Variants in HECW1 observed in about 807,000 individuals in gnomAD.
HECW1 encodes the protein E3 ubiquitin-protein ligase HECW1.
HECW1 carries 61 observed loss-of-function variants against 182.3 expected under a neutral mutation model. That is an observed-to-expected ratio of 0.33 (90% CI 0.27 to 0.41). The LOEUF is 0.41. Ranked by LOEUF, HECW1 falls within the 10% of genes least tolerant of loss-of-function variation. The pLI is 1.00. For synonymous variants in HECW1, 859 were observed against 832.6 expected (o/e 1.03, Z -0.55); for missense variants, 1,739 against 2,108.9 (o/e 0.82, Z 3.44).
chr7:43,333,185 G>A (rs1271870422), intron 5 of HECW1, among the ~76,000 whole-genome samples: 1 of 152,204 alleles, frequency 6.6e-6, no homozygotes, highest in Non-Finnish European at 1.5e-5. Context: ...AGGAAATGTG[G>A]GGGGCATCAG....
chr7:43,509,160 T>G (rs777952245), intron 24 of HECW1, 39 bp downstream of exon 24: 1 of 1,596,104 alleles, frequency 6.3e-7, no homozygotes, highest in East Asian at 2.2e-5. Context: ...ATTTGAAAGT[T>G]CTCCTCTTTC....
intron 2 of HECW1, among the ~76,000 whole-genome samples, chr7:43,237,304 G>A (rs1283511749): frequency 6.6e-6 from 1 of 152,172 alleles, no homozygotes; most frequent in Non-Finnish European, 1.5e-5. Flanking sequence ...TAAATCACTG[G>A]AGAAGACCTG....
intron 3 of HECW1, among the ~76,000 whole-genome samples, chr7:43,287,992 G>A (rs563529350): frequency 6.6e-6 from 1 of 152,272 alleles, no homozygotes; most frequent in East Asian, 1.9e-4. Flanking sequence ...TTGGAGGTGG[G>A]CTTGAGATGC....
intron 2 of HECW1, among the ~76,000 whole-genome samples, chr7:43,158,409 T>C (rs1402934827): frequency 6.6e-6 from 1 of 150,768 alleles, no homozygotes; most frequent in Non-Finnish European, 1.5e-5. Context: ...AAGGATCAAG[T>C]AATAAGAACT....
chr7:43,164,242 G>T (rs1409675244), intron 2 of HECW1, among the ~76,000 whole-genome samples: 2 of 152,216 alleles, frequency 1.3e-5, no homozygotes, highest in African/African-American at 4.8e-5. Context: ...AAGGCAGGAG[G>T]AGGAAGGGCT....
chr7:43,404,697 G>A (rs185249109), intron 7 of HECW1, among the ~76,000 whole-genome samples: 34 of 152,220 alleles, frequency 2.2e-4, no homozygotes, highest in African/African-American at 6.7e-4. Flanking sequence ...CACAGACTTT[G>A]GGCCGGGCAC....
intron 5 of HECW1, among the ~76,000 whole-genome samples, chr7:43,324,874 TC>T (rs2152784692): frequency 6.6e-6 from 1 of 152,328 alleles, no homozygotes; most frequent in South Asian, 2.1e-4. Flanking sequence ...TTTTGTTATT[TC>T]TTTTTATGAG....
chr7:43,362,758 G>A (rs1440049878), intron 6 of HECW1, among the ~76,000 whole-genome samples: 1 of 152,242 alleles, frequency 6.6e-6, no homozygotes, highest in African/African-American at 2.4e-5. Flanking sequence ...AGGCAGAGAA[G>A]GAAGGAGGCA....
chr7:43,444,216 A>C lies in HECW1; in HGVS notation c.1046-2A>C. On this transcript the variant is annotated splice_acceptor_variant, in intron 10 of 29. Transcript: ENST00000395891. LOFTEE classifies it high-confidence loss of function. The surrounding 1 kb of genome is among the most constrained non-coding windows in gnomAD (Gnocchi z 4.3). ...ATGACATATTTTTCTTCTTACCAGCAGATGATGAGGAGATTTCCCTGAGTA... is the reference window on the plus strand; with the variant it reads ...ATGACATATTTTTCTTCTTACCAGCCGATGATGAGGAGATTTCCCTGAGTA... The C allele has an allele frequency of 6.3e-7, 1 of 1,596,850 alleles. No individual in the cohort carries two copies. Among genetic ancestry groups the C allele is most frequent in the Non-Finnish European group, 8.6e-7 (1 of 1,168,588 alleles).
chr7:43,230,071 G>A (rs1797753718), intron 2 of HECW1, among the ~76,000 whole-genome samples: 1 of 152,156 alleles, frequency 6.6e-6, no homozygotes, highest in Non-Finnish European at 1.5e-5. Flanking sequence ...GGGCAGTATT[G>A]TACAAAGTAA....
chr7:43,320,098 C>T (rs575486629), intron 4 of HECW1, among the ~76,000 whole-genome samples: 3 of 152,228 alleles, frequency 2.0e-5, no homozygotes, highest in East Asian at 3.9e-4. Context: ...GCTGAATGAA[C>T]AATGAATGCA....
At chr7:43,264,069 T>C (rs1347000869) in intron 3 of HECW1, among the ~76,000 whole-genome samples, 1 of 152,232 alleles carries the variant, frequency 6.6e-6, no homozygotes, top group East Asian at 1.9e-4. Context: ...AATATATCCA[T>C]CCTTACATAG....
In HECW1 at chr7:43,180,170, T is replaced by G. The variant is rs375155761; in HGVS notation, c.-31-63705T>G. Among the ~76,000 whole-genome samples, 5 of 112,712 alleles carry G rather than the reference T, an allele frequency of 4.4e-5. No individual in the cohort carries two copies. In the East Asian group the frequency reaches 1.2e-3, roughly 28 times the overall value. 73.9% of individuals were successfully genotyped at this position (112,712 alleles called of 152,430 possible). A position where few individuals can be genotyped will look rare whatever the true frequency, so the allele number is the denominator to read the frequency against. On this transcript the variant is annotated intron_variant, in intron 2 of 29. Transcript: ENST00000395891. ...AAAAGATGGGGACATCACCAACTTA[T>G]AGCAGAGGTTATGTGACTGTTTGAG...
intron 3 of HECW1, among the ~76,000 whole-genome samples, chr7:43,251,881 C>A (rs1031264303): frequency 1.3e-5 from 2 of 152,172 alleles, no homozygotes. Flanking sequence ...AATGCTATTA[C>A]CTGACAGGTA....
At chr7:43,215,059 C>T (rs11766139) in intron 2 of HECW1, among the ~76,000 whole-genome samples, 24 of 152,198 alleles carry the variant, frequency 1.6e-4, no homozygotes, top group Non-Finnish European at 3.1e-4. Context: ...CTTGGGTTTG[C>T]TTTGTTCTTT....
chr7:43,545,212 G>T (rs886841579), intron 26 of HECW1, among the ~76,000 whole-genome samples: 11 of 152,228 alleles, frequency 7.2e-5, no homozygotes, highest in African/African-American at 2.4e-4. Context: ...TGGGAGGTTA[G>T]GTGGGAGAAA....
At chr7:43,325,329 C>A (rs1033477357) in intron 5 of HECW1, among the ~76,000 whole-genome samples, 1 of 152,200 alleles carries the variant, frequency 6.6e-6, no homozygotes, top group African/African-American at 2.4e-5. Flanking sequence ...TTAATACATG[C>A]ATTTGGGCTC....
intron 13 of HECW1, among the ~76,000 whole-genome samples, chr7:43,463,212 C>T (rs2077647101): frequency 6.6e-6 from 1 of 152,196 alleles, no homozygotes; most frequent in South Asian, 2.1e-4. Flanking sequence ...ATTTCCATGA[C>T]CTCTGCCCAA....
chr7:43,203,041 CA>C (rs1251356736), intron 2 of HECW1, among the ~76,000 whole-genome samples: 1 of 152,104 alleles, frequency 6.6e-6, no homozygotes, highest in Non-Finnish European at 1.5e-5. Context: ...GTGAAATGAA[CA>C]GCTTTGTTGC....
Sources: allele counts gnomAD v4.1 joint callset (sites outside exome capture counted in the v4.1 genomes callset), GRCh38; gene constraint gnomAD v4.1.1; non-coding constraint Gnocchi (gnomAD v3.1); transcripts MANE v1.5; gene names NCBI Gene and HGNC (gene_info 2026-07-23, HGNC 2026-07-21).